Variants in UIMC1 observed in about 807,000 individuals in gnomAD.
UIMC1 encodes ubiquitin interaction motif containing 1, also known as BRCA1-A complex subunit RAP80.
A neutral mutation model predicts 84.9 loss-of-function variants in UIMC1; 42 were observed. That is an observed-to-expected ratio of 0.49 (90% confidence interval 0.39 to 0.64). The LOEUF (loss-of-function observed/expected upper bound fraction) is 0.64, where lower values mean the gene tolerates loss of function less well. UIMC1 is among the 30% of genes least tolerant of loss of function. The pLI, the probability that UIMC1 is intolerant of heterozygous loss-of-function variation, is 0.00. For missense variants in UIMC1, 825 were observed against 847.6 expected (o/e 0.97, Z 0.33); for synonymous variants, 281 against 293.0 (o/e 0.96, Z 0.42).
At chr5:176,958,190 C>A (rs1402131527) in intron 6 of UIMC1, 36 bp from the exon 7 acceptor site, 4 of 1,560,750 alleles carry the variant, frequency 2.6e-6, no homozygotes, top group Non-Finnish European at 3.5e-6. Flanking sequence ...AATATACAGG[C>A]ACAGGTGAAC....
chr5:177,009,051 T>A (rs1457139035), upstream of UIMC1, among the ~76,000 whole-genome samples: 1 of 151,826 alleles, frequency 6.6e-6, no homozygotes, highest in Non-Finnish European at 1.5e-5. The surrounding 1 kb of genome is among the most constrained non-coding windows in gnomAD (Gnocchi z 4.3). Flanking sequence ...CTGTCACCCG[T>A]ACTGGAGTGC....
At chr5:176,907,274 G>C (rs1759515672) in intron 12 of UIMC1, 97 bp from the exon 13 acceptor site, 6 of 1,203,128 alleles carry the variant, frequency 5.0e-6, no homozygotes, top group Non-Finnish European at 7.2e-6. Flanking sequence ...GAAGAGAAAA[G>C]GTGTGGGGGC....
intron 10 of UIMC1, among the ~76,000 whole-genome samples, chr5:176,943,132 G>C (rs1764651391): frequency 1.3e-5 from 2 of 152,062 alleles, no homozygotes; most frequent in African/African-American, 4.8e-5. Flanking sequence ...TTCTCCTGAG[G>C]CATGTGTAAC....
chr5:177,021,287 T>TA (rs980442519), intron 1 of UIMC1, among the ~76,000 whole-genome samples: 46 of 151,724 alleles, frequency 3.0e-4, no homozygotes, highest in African/African-American at 1.0e-3. Flanking sequence ...AAAAACAATT[T>TA]AAAAAAAGAA....
intron 1 of UIMC1, among the ~76,000 whole-genome samples, chr5:176,994,955 C>CG (rs36125082): frequency 0.57 from 86,271 of 150,552 alleles, 26,361 homozygotes; most frequent in African/African-American, 0.8. Flanking sequence ...CACTCTGGGG[C>CG]GGGGTGTGGG....
At position 176,905,396 on chromosome 5, in the gene UIMC1, A is replaced by G; in HGVS notation, c.2046T>C (p.Phe682=). The G allele has an allele frequency of 1.9e-6, 3 of 1,614,132 alleles. No individual in the cohort carries two copies. Among genetic ancestry groups the G allele is most frequent in the Non-Finnish European group, 2.5e-6 (3 of 1,180,016 alleles). ...RDLNESPVKS[F]VSISEATDCL... is the part of the protein sequence containing the mutation. ...AATCTGTGGCTTCTGAAATGGAAAC[A>G]AAAGACTTGACGGGAGATTCATTTA... The change falls in exon 15 of 15, where the codon TTT becomes TTC. Residue 682 remains phenylalanine, a synonymous_variant. Coordinates refer to ENST00000511320, the MANE Select transcript of UIMC1 (RefSeq NM_001199298.2).
chr5:176,971,746 T>C (rs1320572417), intron 3 of UIMC1, among the ~76,000 whole-genome samples: 1 of 151,840 alleles, frequency 6.6e-6, no homozygotes, highest in Non-Finnish European at 1.5e-5. Context: ...CTGTCTCTAC[T>C]AAAAACACAA....
chr5:176,955,675 C>T (rs1766507483), intron 8 of UIMC1, among the ~76,000 whole-genome samples: 1 of 152,196 alleles, frequency 6.6e-6, no homozygotes, highest in Non-Finnish European at 1.5e-5. Context: ...TGATGCTTTG[C>T]TGCCATCTCT....
At chr5:176,970,322 T>C in intron 4 of UIMC1, 1 of 196,096 alleles carries the variant, frequency 5.1e-6, no homozygotes. Context: ...CAAATGACAA[T>C]TTAACTTTAT....
In UIMC1 at chr5:176,968,928, T is replaced by C; in HGVS notation, c.827A>G (p.Tyr276Cys). The change falls in exon 6 of 15, where the codon TAT (tyrosine) becomes TGT (cysteine). Residue 276 changes from tyrosine (Y) to cysteine (C), a missense_variant. Tyr to Cys is a radical substitution (Grantham distance 194, BLOSUM62 -2). Coordinates refer to ENST00000511320, the MANE Select transcript of UIMC1 (RefSeq NM_001199298.2). ...AGGGCAGAATGGAATACCCCAGAAA[T>C]AGTTCACAGTGCCCCCAGTGTCCTG... The part of the protein sequence containing the change: ...GLQDTGGTVN[Y>C]FWGIPFCPDG... 6.2e-7 allele frequency: 1 copy of C among 1,614,064 alleles called. No individual in the cohort carries two copies. The highest frequency in any genetic ancestry group is 8.5e-7 in the Non-Finnish European group (1 of 1,179,994).
chr5:176,970,804 C>T lies in UIMC1; in HGVS notation c.295G>A (p.Val99Met). The T allele has an allele frequency of 6.2e-7, 1 of 1,614,136 alleles. No individual in the cohort carries two copies. The highest frequency in any genetic ancestry group is 8.5e-7 in the Non-Finnish European group (1 of 1,180,044). The change falls in exon 4 of 15, where the codon GTG (valine) becomes ATG (methionine). Residue 99 changes from valine (V) to methionine (M), a missense_variant. Transcript: ENST00000511320. ...LKMSEQEARE[V>M]NSQEEEEEEL... ...TCTTCTTCCTCCTCCTGGCTGTTCA[C>T]CTCCCTAGCTTCCTGCTCACTCATT...
intron 14 of UIMC1, 55 bp downstream of exon 14, chr5:176,905,956 G>T: frequency 1.0e-5 from 16 of 1,592,298 alleles, no homozygotes; most frequent in Non-Finnish European, 1.3e-5. Flanking sequence ...ACAGGACAAG[G>T]CCTGCACTTT....
intron 2 of UIMC1, among the ~76,000 whole-genome samples, chr5:176,978,245 C>T (rs537462286): frequency 1.2e-3 from 184 of 151,986 alleles, no homozygotes; most frequent in South Asian, 2.1e-3. Flanking sequence ...TGGTGGCAGG[C>T]GCCTGTAGTC....
upstream of UIMC1, among the ~76,000 whole-genome samples, chr5:177,011,613 A>G (rs554506276): frequency 1.3e-5 from 2 of 151,658 alleles, no homozygotes; most frequent in Non-Finnish European, 2.9e-5. Flanking sequence ...TAATAATAAT[A>G]AACTCTTAGA....
At chr5:176,912,904 G>A (rs546149781) in intron 10 of UIMC1, among the ~76,000 whole-genome samples, 2 of 152,160 alleles carry the variant, frequency 1.3e-5, no homozygotes, top group Non-Finnish European at 2.9e-5. Context: ...CTGACCTCAG[G>A]TGATCCACGT....
At chr5:177,008,507 G>A (rs2149552765), upstream of UIMC1, among the ~76,000 whole-genome samples, 2 of 152,298 alleles carry the variant, frequency 1.3e-5, no homozygotes, top group Middle Eastern at 6.8e-3. Context: ...AAAAAATGTT[G>A]ATTGAATTGA....
chr5:176,970,384 G>A (rs1169973066), intron 4 of UIMC1: 1 of 264,382 alleles, frequency 3.8e-6, no homozygotes, highest in Non-Finnish European at 7.3e-6. Flanking sequence ...TCCACCTCTA[G>A]TTCTCATTCC....
At chr5:176,908,800 A>G (rs1759744075) in intron 11 of UIMC1, 106 bp from the exon 12 acceptor site, 1 of 1,201,372 alleles carries the variant, frequency 8.3e-7, no homozygotes, top group Admixed American at 2.3e-5. Context: ...AAGTTATTCT[A>G]TGGAGGAGAC....
At chr5:176,923,912 C>G (rs1053019373) in intron 10 of UIMC1, among the ~76,000 whole-genome samples, 16 of 151,162 alleles carry the variant, frequency 1.1e-4, no homozygotes, top group Admixed American at 8.6e-4. Flanking sequence ...CACACACACA[C>G]ACACACACAC....
Sources: gnomAD v4.1 joint callset for allele counts (sites outside exome capture counted in the v4.1 genomes callset) on GRCh38, gnomAD v4.1.1 for gene constraint, Gnocchi (gnomAD v3.1) non-coding constraint, MANE v1.5 for transcripts, NCBI Gene and HGNC (gene_info 2026-07-23, HGNC 2026-07-21) for gene names.